Variants in BACE2 observed in about 807,000 individuals in gnomAD.
BACE2 encodes 56 kDa aspartic-like protease.
Under a neutral mutation model 46.2 loss-of-function variants are expected in BACE2, and 17 were observed. The observed-to-expected ratio is 0.37, with a 90% confidence interval of 0.25 to 0.55. BACE2 has a LOEUF of 0.55. Ranked by LOEUF, BACE2 falls within the 20% of genes least tolerant of loss-of-function variation. The pLI, the probability that BACE2 is intolerant of heterozygous loss-of-function variation, is 0.82. For synonymous variants in BACE2, 277 were observed against 295.9 expected, an observed-to-expected ratio of 0.94 and a Z score of 0.66; for missense variants, 595 against 698.1, an observed-to-expected ratio of 0.85 and a Z score of 1.66.
chr21:41,192,169 G>A (rs1209247411), intron 1 of BACE2, among the ~76,000 whole-genome samples: 1 of 152,146 alleles, frequency 6.6e-6, no homozygotes, highest in African/African-American at 2.4e-5. Flanking sequence ...GTCCACTTTC[G>A]GGTGGTGCCT....
chr21:41,190,622 A>T (rs1048602479), intron 1 of BACE2, among the ~76,000 whole-genome samples: 5 of 151,596 alleles, frequency 3.3e-5, no homozygotes, highest in South Asian at 2.1e-4. Flanking sequence ...GCAGGTTGTG[A>T]TTTTTTTTTC....
rs907915898 is a variant in BACE2, at chr21:41,277,717, G to A, written c.*2093G>A. ...TTGTATTGTGTTAGGTTTCAGAGGC[G>A]GGGAGCTTCCTCCTGCAGCAGATGA... On this transcript the variant is annotated 3_prime_UTR_variant, in exon 9 of 9. Coordinates refer to ENST00000330333, the MANE Select transcript of BACE2 (RefSeq NM_012105.5). 6.6e-6 allele frequency: 1 copy of A among 152,200 alleles called. No individual in the cohort carries two copies. Among genetic ancestry groups the A allele is most frequent in the Non-Finnish European group, 1.5e-5 (1 of 68,048 alleles). The allele number at this position is 152,200 out of a possible 1,614,324, so 9.4% of individuals were successfully genotyped here.
chr21:41,266,795 G>A (rs1236799503), intron 8 of BACE2, among the ~76,000 whole-genome samples: 1 of 152,206 alleles, frequency 6.6e-6, no homozygotes, highest in African/African-American at 2.4e-5. Context: ...TCTGGTTGAG[G>A]AATGTCTCTT....
At chr21:41,179,703 T>C (rs1045934864) in intron 1 of BACE2, 21 of 1,272,142 alleles carry the variant, frequency 1.7e-5, no homozygotes, top group Non-Finnish European at 2.2e-5. Context: ...AACATTGTGC[T>C]TCCCTGCTTA....
chr21:41,253,687 T>C (rs948873263), intron 7 of BACE2, among the ~76,000 whole-genome samples: 1 of 152,244 alleles, frequency 6.6e-6, no homozygotes, highest in African/African-American at 2.4e-5. Context: ...CTTGGCTTCC[T>C]CAATAGCTTT....
intron 8 of BACE2, among the ~76,000 whole-genome samples, chr21:41,258,394 C>T (rs1987846713): frequency 6.6e-6 from 1 of 152,180 alleles, no homozygotes; most frequent in East Asian, 1.9e-4. Context: ...GATTGCTGGG[C>T]CATCCTGGAA....
chr21:41,250,973 A>G, intron 7 of BACE2, 72 bp downstream of exon 7: 1 of 1,383,264 alleles, frequency 7.2e-7, no homozygotes, highest in Non-Finnish European at 1.0e-6. Flanking sequence ...TGACACGTGT[A>G]TTAGATGTCA....
At chr21:41,198,893 T>G (rs1985842287) in intron 1 of BACE2, among the ~76,000 whole-genome samples, 1 of 144,552 alleles carries the variant, frequency 6.9e-6, no homozygotes, top group African/African-American at 2.6e-5. Context: ...TTATTATACT[T>G]TAAGTTCTAG....
Position 41,168,981 on chromosome 21 carries a change from C to T in BACE2, c.312+406C>T, listed in dbSNP as rs1313391786. Among the ~76,000 whole-genome samples the T allele has an allele frequency of 4.8e-5, 4 of 82,530 alleles. No homozygotes were observed. The East Asian group carries it at 3.1e-3, about 63-fold the overall frequency. 54.1% of individuals were successfully genotyped at this position (82,530 alleles called of 152,430 possible). ...GGGAAAATCACCTCGTGTTCATACC[C>T]TCCCTCCCCCCCGCCCCCCCCCCAC... On this transcript the variant is annotated intron_variant, in intron 1 of 8. Transcript: ENST00000330333.
rs1392763184 is a variant in BACE2 at position 41,275,452 on chromosome 21, C to G, written c.1385C>G (p.Ser462Cys). ...GCCAGCAACTGTGTCCCCGCTCAGT[C>G]TTTGAGCGAGCCCATTTTGTGGATT... ...DVASNCVPAQSLSEPILWIVS... is the reference protein window; with the variant it reads ...DVASNCVPAQCLSEPILWIVS... The change falls in exon 9 of 9, where the codon TCT (serine) becomes TGT (cysteine). Residue 462 changes from serine to cysteine, a missense_variant. Physicochemically the swap from Ser to Cys is moderately radical, Grantham distance 112. Transcript: ENST00000330333. 5.0e-6 allele frequency: 8 copies of G among 1,614,190 alleles called. No homozygotes were observed. The highest frequency in any genetic ancestry group is 2.2e-5 in the South Asian group (2 of 91,086).
At chr21:41,254,281 C>G (rs1314882381) in intron 7 of BACE2, among the ~76,000 whole-genome samples, 1 of 152,210 alleles carries the variant, frequency 6.6e-6, no homozygotes, top group Non-Finnish European at 1.5e-5. Flanking sequence ...TTCTTCACAG[C>G]TTCTACTTTA....
rs1384969577 is a variant in BACE2, at chr21:41,257,223, A to G, written c.1200A>G (p.Pro400=). 3 of 1,614,050 alleles carry G rather than the reference A, an allele frequency of 1.9e-6. No individual in the cohort carries two copies. The highest frequency in any genetic ancestry group is 2.5e-6 in the Non-Finnish European group (3 of 1,180,030). ...AATGTTACCGATTCGGCATTTCCCC[A>G]TCCACAAATGCGCTGGTGATCGGTG... ...NYECYRFGIS[P]STNALVIGAT... The change falls in exon 8 of 9, where the codon CCA becomes CCG. Residue 400 remains proline, a synonymous_variant. Coordinates refer to ENST00000330333, the MANE Select transcript of BACE2 (RefSeq NM_012105.5).
intron 8 of BACE2, among the ~76,000 whole-genome samples, chr21:41,262,716 A>T (rs1164996531): frequency 1.3e-5 from 2 of 152,146 alleles, no homozygotes. Flanking sequence ...ATTTTGTCCA[A>T]AAAGATTCAC....
intron 2 of BACE2, among the ~76,000 whole-genome samples, chr21:41,233,698 C>T (rs531869977): frequency 2.5e-4 from 38 of 152,282 alleles, no homozygotes; most frequent in African/African-American, 6.5e-4. Context: ...AGGTGGCTCA[C>T]GCCTGTAATC....
chr21:41,210,378 A>T (rs1409523648), intron 1 of BACE2, among the ~76,000 whole-genome samples: 1 of 152,186 alleles, frequency 6.6e-6, no homozygotes, highest in African/African-American at 2.4e-5. Flanking sequence ...ATGTTAAAAT[A>T]GAGAATAGAA....
intron 1 of BACE2, among the ~76,000 whole-genome samples, chr21:41,212,999 C>T (rs1033563847): frequency 5.9e-5 from 9 of 152,274 alleles, no homozygotes; most frequent in South Asian, 2.1e-4. Context: ...GAACTTTCTC[C>T]GGCTACTTCC....
chr21:41,183,204 G>C (rs1469099386), intron 1 of BACE2: 1 of 164,848 alleles, frequency 6.1e-6, no homozygotes, highest in African/African-American at 2.4e-5. Flanking sequence ...ATGCAAAGCT[G>C]GTCACCATTT....
intron 8 of BACE2, among the ~76,000 whole-genome samples, chr21:41,264,399 TGTGTTA>T (rs1160191855): frequency 6.6e-6 from 1 of 151,860 alleles, no homozygotes; most frequent in Non-Finnish European, 1.5e-5. Flanking sequence ...CCTGGGCAAC[TGTGTTA>T]GTTCATTCCC....
intron 1 of BACE2, among the ~76,000 whole-genome samples, chr21:41,217,665 T>C (rs1986514485): frequency 6.6e-6 from 1 of 152,198 alleles, no homozygotes; most frequent in Non-Finnish European, 1.5e-5. Flanking sequence ...AGTGATGGTT[T>C]AGGTCCCGGC....
Sources: allele counts gnomAD v4.1 joint callset (sites outside exome capture counted in the v4.1 genomes callset), GRCh38; gene constraint gnomAD v4.1.1; transcripts MANE v1.5; gene names NCBI Gene and HGNC (gene_info 2026-07-23, HGNC 2026-07-21).